The following HMOX2 variants were observed in gnomAD, a reference collection of about 807,000 sequenced individuals.
HMOX2 encodes the protein heme oxygenase 2.
A neutral mutation model predicts 33.7 loss-of-function variants in HMOX2; 30 were observed. That is an observed-to-expected ratio of 0.89 (90% CI 0.67 to 1.21). The LOEUF (loss-of-function observed/expected upper bound fraction) is 1.21. HMOX2 is among the 50% of genes most tolerant of loss of function. The pLI is 0.00. For synonymous variants in HMOX2, 155 were observed against 155.0 expected (o/e 1.00, Z 0.00); for missense variants, 403 against 399.1 (o/e 1.01, Z -0.08).
chr16:4,494,756 G>A (rs2058380080), intron 1 of HMOX2, among the ~76,000 whole-genome samples: 1 of 152,086 alleles, frequency 6.6e-6, no homozygotes, highest in South Asian at 2.1e-4. Flanking sequence ...GCGTGTGCCT[G>A]TAGTCCCAGC....
chr16:4,483,904 A>C (rs1032632812), intron 1 of HMOX2: 1 of 151,788 alleles, frequency 6.6e-6, no homozygotes, highest in African/African-American at 2.4e-5. Flanking sequence ...GAGCCGCTGC[A>C]TCCAGCCTCA....
chr16:4,484,922 A>G (rs1475627582), intron 1 of HMOX2, among the ~76,000 whole-genome samples: 1 of 151,904 alleles, frequency 6.6e-6, no homozygotes, highest in Admixed American at 6.6e-5. Context: ...AAATCTGTAC[A>G]TGTGTAGTAC....
At chr16:4,485,785 C>G (rs1352685588) in intron 1 of HMOX2, among the ~76,000 whole-genome samples, 3 of 152,158 alleles carry the variant, frequency 2.0e-5, no homozygotes, top group Non-Finnish European at 4.4e-5. Context: ...AGTGCAATGG[C>G]TTGATCTCGG....
At chr16:4,508,546 G>A (rs1408501065) in intron 4 of HMOX2, among the ~76,000 whole-genome samples, 2 of 152,168 alleles carry the variant, frequency 1.3e-5, no homozygotes, top group Non-Finnish European at 2.9e-5. Context: ...GCTCTGAGAA[G>A]CCCTGCTTTA....
chr16:4,479,724 CTATTTTTTTTTTTTT>C (rs2057965340), intron 1 of HMOX2, among the ~76,000 whole-genome samples: 1 of 93,892 alleles, frequency 1.1e-5, no homozygotes, highest in African/African-American at 4.4e-5. Flanking sequence ...TTTTCTTATT[CTATTTTTTTTTTTTT>C]TTTTTTTTTT....
At chr16:4,488,868 A>C (rs901233064) in intron 1 of HMOX2, 5 of 147,388 alleles carry the variant, frequency 3.4e-5, no homozygotes, top group Non-Finnish European at 5.9e-5. Context: ...TCTGTCACCC[A>C]GGCTGGAGTG....
At chr16:4,488,573 A>G (rs1025990990) in intron 1 of HMOX2, 2 of 152,176 alleles carry the variant, frequency 1.3e-5, no homozygotes, top group African/African-American at 2.4e-5. Flanking sequence ...TAAAATGTAC[A>G]TAGATACAGG....
At chr16:4,478,578 C>G (rs2057932688) in intron 1 of HMOX2, among the ~76,000 whole-genome samples, 1 of 151,418 alleles carries the variant, frequency 6.6e-6, no homozygotes, top group Non-Finnish European at 1.5e-5. Context: ...TGGAAAAACC[C>G]CATCTCTACT....
At chr16:4,478,523 G>C (rs1167394434) in intron 1 of HMOX2, among the ~76,000 whole-genome samples, 1 of 152,010 alleles carries the variant, frequency 6.6e-6, no homozygotes, top group African/African-American at 2.4e-5. Context: ...GGCCGAGATG[G>C]GCGGATCACC....
At chr16:4,489,735 A>G (rs996648633) in intron 1 of HMOX2, among the ~76,000 whole-genome samples, 5 of 152,170 alleles carry the variant, frequency 3.3e-5, no homozygotes, top group African/African-American at 9.7e-5. Flanking sequence ...CTGGGATTAC[A>G]GGTGTGAGCC....
chr16:4,479,832 G>A (rs1382352743), intron 1 of HMOX2, among the ~76,000 whole-genome samples: 1 of 143,548 alleles, frequency 7.0e-6, no homozygotes, highest in Non-Finnish European at 1.5e-5. Flanking sequence ...TCCGCCTCCT[G>A]GGTTCAAGCG....
At chr16:4,506,379 G>A (rs1324200714) in intron 2 of HMOX2, among the ~76,000 whole-genome samples, 4 of 152,102 alleles carry the variant, frequency 2.6e-5, no homozygotes, top group South Asian at 2.1e-4. Flanking sequence ...GCATCCTTCC[G>A]TGCTTGGTCC....
chr16:4,479,051 T>C (rs1337965758), intron 1 of HMOX2, among the ~76,000 whole-genome samples: 2 of 151,402 alleles, frequency 1.3e-5, no homozygotes, highest in African/African-American at 4.9e-5. Flanking sequence ...CTCGGGAGGC[T>C]GAGCAAGGAG....
chr16:4,490,774 C>T (rs181543847), intron 1 of HMOX2, among the ~76,000 whole-genome samples: 3 of 152,292 alleles, frequency 2.0e-5, no homozygotes, highest in Admixed American at 6.5e-5. Flanking sequence ...CTAACAATCT[C>T]GTCTCTGTAA....
Position 4,494,714 on chromosome 16 carries a change from AC to A in HMOX2, c.-41-10769del, listed in dbSNP as rs2058379039. Among the ~76,000 whole-genome samples, 3 of 152,240 alleles carry A rather than the reference AC, an allele frequency of 2.0e-5. No individual in the cohort carries two copies. The South Asian group carries it at 6.2e-4, about 32-fold the overall frequency. ...GACAACATGGTGAAACCCTGTCTTT[AC>A]TAAAAATACAAAAATTAGCCAGGTG... is the stretch of plus-strand genomic sequence containing the variant. On this transcript the variant is annotated intron_variant, in intron 1 of 5. Transcript: ENST00000570646.
chr16:4,476,760 G>A (rs1348347252), intron 1 of HMOX2: 2 of 152,312 alleles, frequency 1.3e-5, no homozygotes, highest in Non-Finnish European at 2.9e-5. Context: ...TCTCCCCGGG[G>A]GCGCGGGGAG....
intron 2 of HMOX2, 125 bp from the exon 3 acceptor site, chr16:4,506,770 G>A (rs1411289652): frequency 2.9e-6 from 2 of 694,126 alleles, no homozygotes; most frequent in Non-Finnish European, 5.2e-6. Context: ...AAGTGTCTGA[G>A]AAGCCCCAGC....
chr16:4,505,515 C>G lies in HMOX2; in HGVS notation c.-10C>G. Reference sequence around the variant, plus strand: ...AGGAGCGAGAGCAGCAAGAACCACACCCAGCAGCAATGTCAGCGGAAGTGG... The same window carrying G: ...AGGAGCGAGAGCAGCAAGAACCACAGCCAGCAGCAATGTCAGCGGAAGTGG... On this transcript the variant is annotated 5_prime_UTR_variant, in exon 2 of 6. Coordinates refer to ENST00000570646, the MANE Select transcript of HMOX2 (RefSeq NM_002134.4). 5 of 1,601,190 alleles carry G rather than the reference C, an allele frequency of 3.1e-6. No individual in the cohort carries two copies. Among genetic ancestry groups the G allele is most frequent in the Non-Finnish European group, 3.4e-6 (4 of 1,172,700 alleles).
chr16:4,498,205 G>C (rs557116686), intron 1 of HMOX2, among the ~76,000 whole-genome samples: 1 of 150,882 alleles, frequency 6.6e-6, no homozygotes, highest in South Asian at 2.1e-4. Context: ...TTTGGGATTA[G>C]AGTCACACAC....
Sources: gnomAD v4.1 joint callset for allele counts (sites outside exome capture counted in the v4.1 genomes callset) on GRCh38, gnomAD v4.1.1 for gene constraint, MANE v1.5 for transcripts, NCBI Gene and HGNC (gene_info 2026-07-23, HGNC 2026-07-21) for gene names.